The following OSBPL10 variants were observed in gnomAD, a reference collection of about 807,000 sequenced individuals.
OSBPL10 encodes oxysterol-binding protein-related protein 10.
A neutral mutation model predicts 81.7 loss-of-function variants in OSBPL10; 49 were observed. The observed-to-expected ratio is 0.60, with a 90% CI of 0.48 to 0.76. The LOEUF (loss-of-function observed/expected upper bound fraction) is 0.76, where lower values mean the gene tolerates loss of function less well. OSBPL10 is among the 30% of genes least tolerant of loss of function. The pLI, the probability that OSBPL10 is intolerant of heterozygous loss-of-function variation, is 0.00. For missense variants in OSBPL10, 923 were observed against 987.8 expected, an observed-to-expected ratio of 0.93 and a Z score of 0.88; for synonymous variants, 419 against 383.6, an observed-to-expected ratio of 1.09 and a Z score of -1.08.
intron 4 of OSBPL10, among the ~76,000 whole-genome samples, chr3:31,807,345 C>T (rs1288948228): frequency 1.3e-5 from 2 of 150,748 alleles, no homozygotes; most frequent in African/African-American, 2.4e-5. Context: ...TACACTCCAG[C>T]CTGGGCGACA....
chr3:31,961,894 C>G (rs938159883), intron 1 of OSBPL10, among the ~76,000 whole-genome samples: 15 of 144,144 alleles, frequency 1.0e-4, no homozygotes, highest in African/African-American at 4.1e-4. Flanking sequence ...TTGGCATCAC[C>G]AGTTTTGTTT....
chr3:31,969,129 C>A (rs116304701), intron 1 of OSBPL10, among the ~76,000 whole-genome samples: 2,610 of 152,248 alleles, frequency 0.017, 51 homozygotes, highest in Middle Eastern at 0.058. Context: ...AACTCAGACA[C>A]ACAAGAATCC....
In OSBPL10 at chr3:31,668,735, T is replaced by C. The variant is rs772850390; in HGVS notation, c.2003A>G (p.Asn668Ser). The change falls in exon 10 of 12, where the codon AAC becomes AGC. Residue 668 changes from asparagine (N) to serine (S), a missense_variant. Around this residue, in one of 3 missense-constraint regions of OSBPL10, gnomAD observed 387 missense variants for 436.3 expected, o/e 0.89. Transcript: ENST00000396556. ...EWNGTLEFTY[N>S]NGETKVIDTT... ...GTCGATGACTTTGGTTTCTCCATTG[T>C]TGTAGGTGAACTCTAAAGTACCATT... is the stretch of plus-strand genomic sequence containing the variant. 24 of 1,614,178 alleles carry C rather than the reference T, an allele frequency of 1.5e-5. No individual in the cohort carries two copies. The highest frequency in any genetic ancestry group is 2.2e-5 in the South Asian group (2 of 91,084).
chr3:31,706,727 A>G (rs1040200540), intron 6 of OSBPL10, among the ~76,000 whole-genome samples: 4 of 152,230 alleles, frequency 2.6e-5, no homozygotes, highest in Non-Finnish European at 4.4e-5. Context: ...ACAAATGCAG[A>G]TTTCAAGCAT....
chr3:31,912,463 G>C (rs1269310831), intron 1 of OSBPL10, among the ~76,000 whole-genome samples: 3 of 151,918 alleles, frequency 2.0e-5, no homozygotes, highest in Admixed American at 6.6e-5. Context: ...TAGTAAAGTT[G>C]AGGAAGTACT....
At position 31,720,624 on chromosome 3, in the gene OSBPL10, C is replaced by T. The variant is rs1271159420; in HGVS notation, c.1095+12633G>A. On this transcript the variant is annotated intron_variant, in intron 6 of 11. Transcript: ENST00000396556. ...GGAAAATGGCCCAGAGACGGCCAGG[C>T]GTGGTGGCTCATGCCTGTAATCTTA... 4.6e-5 allele frequency among the ~76,000 whole-genome samples: 7 copies of T among 152,176 alleles called. No individual in the cohort carries two copies. The South Asian group carries it at 8.3e-4, about 18-fold the overall frequency.
At chr3:31,882,119 T>C (rs1277278566) in intron 1 of OSBPL10, among the ~76,000 whole-genome samples, 1 of 152,206 alleles carries the variant, frequency 6.6e-6, no homozygotes, top group African/African-American at 2.4e-5. Context: ...TCCCTACTTA[T>C]GGCCCCGGCA....
chr3:32,036,693 C>T (rs1313807299), intron 2 of OSBPL10, among the ~76,000 whole-genome samples: 1 of 151,984 alleles, frequency 6.6e-6, no homozygotes, highest in African/African-American at 2.4e-5. Flanking sequence ...GATGGTAGCT[C>T]ATGCCTGTAG....
intron 2 of OSBPL10, chr3:31,989,746 G>T: frequency 1.9e-6 from 3 of 1,614,116 alleles, no homozygotes; most frequent in Non-Finnish European, 2.5e-6. Context: ...AAAACAGGAA[G>T]TACACATAAG....
chr3:32,044,973 T>C (rs1378886642), intron 2 of OSBPL10, among the ~76,000 whole-genome samples: 2 of 152,242 alleles, frequency 1.3e-5, no homozygotes, highest in Non-Finnish European at 2.9e-5. Context: ...AATGCTCTAC[T>C]TTGAAAGATT....
chr3:31,943,762 T>C (rs921372649), intron 1 of OSBPL10, among the ~76,000 whole-genome samples: 12 of 151,998 alleles, frequency 7.9e-5, no homozygotes, highest in African/African-American at 2.9e-4. Flanking sequence ...GGTCAGGAGT[T>C]CGAGACCAGC....
intron 1 of OSBPL10, among the ~76,000 whole-genome samples, chr3:31,904,872 G>A (rs1575608169): frequency 6.6e-6 from 1 of 152,190 alleles, no homozygotes; most frequent in African/African-American, 2.4e-5. Flanking sequence ...CCAACTTTCT[G>A]GGAGAGGAGA....
At chr3:31,789,616 C>G (rs1378576071) in intron 4 of OSBPL10, among the ~76,000 whole-genome samples, 1 of 152,078 alleles carries the variant, frequency 6.6e-6, no homozygotes, top group Non-Finnish European at 1.5e-5. Flanking sequence ...GGCACTGCCT[C>G]AAGAAAGATA....
At chr3:31,960,152 TC>T (rs1698119903) in intron 1 of OSBPL10, 2 of 152,098 alleles carry the variant, frequency 1.3e-5, no homozygotes, top group Admixed American at 1.3e-4. Context: ...CCGAAAAACT[TC>T]CCTGATCTTG....
intron 7 of OSBPL10, among the ~76,000 whole-genome samples, chr3:31,690,262 C>G (rs553403959): frequency 9.2e-5 from 14 of 151,976 alleles, no homozygotes; most frequent in African/African-American, 3.4e-4. Flanking sequence ...AACACCTCCC[C>G]CTTTGCTCTC....
At chr3:31,833,737 A>ACACACACACACACACACT (rs1491340793) in intron 3 of OSBPL10, among the ~76,000 whole-genome samples, 2 of 139,856 alleles carry the variant, frequency 1.4e-5, no homozygotes, top group East Asian at 4.1e-4. Context: ...ACACACACAC[A>ACACACACACACACACACT]CTCTCTCTCT....
intron 3 of OSBPL10, among the ~76,000 whole-genome samples, chr3:31,872,359 T>C (rs1018382111): frequency 1.7e-4 from 26 of 152,086 alleles, no homozygotes; most frequent in African/African-American, 5.8e-4. Flanking sequence ...AGCCTCCTGG[T>C]TGGGGCTTCT....
At chr3:31,825,169 G>T (rs1195770572) in intron 4 of OSBPL10, among the ~76,000 whole-genome samples, 3 of 152,136 alleles carry the variant, frequency 2.0e-5, no homozygotes, top group Non-Finnish European at 4.4e-5. Context: ...GAGCAGAAAG[G>T]TGACATGATA....
At chr3:31,910,927 G>A (rs564994394) in intron 1 of OSBPL10, among the ~76,000 whole-genome samples, 1 of 152,110 alleles carries the variant, frequency 6.6e-6, no homozygotes, top group African/African-American at 2.4e-5. Context: ...AACCCAGCAG[G>A]CTGTCTTCTC....
Sources: gnomAD v4.1 joint callset for allele counts (sites outside exome capture counted in the v4.1 genomes callset) on GRCh38, gnomAD v4.1.1 for gene constraint, gnomAD v4.1.1 regional missense constraint, MANE v1.5 for transcripts, NCBI Gene and HGNC (gene_info 2026-07-23, HGNC 2026-07-21) for gene names.